Variants in HSDL2 observed in about 807,000 individuals in gnomAD.
The protein encoded by HSDL2 is hydroxysteroid dehydrogenase like 2.
A neutral mutation model predicts 46.3 loss-of-function variants in HSDL2; 27 were observed. The observed-to-expected ratio is 0.58, with a 90% CI of 0.43 to 0.80. The LOEUF is 0.80. Among genes scored for constraint, HSDL2 ranks in the 30% least tolerant of loss-of-function variants. HSDL2 has a pLI of 0.00. For missense variants in HSDL2, 451 were observed against 502.7 expected, an observed-to-expected ratio of 0.90 and a Z score of 0.98; for synonymous variants, 153 against 163.6, an observed-to-expected ratio of 0.94 and a Z score of 0.50.
At chr9:112,384,235 CTG>C (rs769002016) in intron 1 of HSDL2, among the ~76,000 whole-genome samples, 4 of 152,174 alleles carry the variant, frequency 2.6e-5, no homozygotes, top group African/African-American at 4.8e-5. Flanking sequence ...GTAAATTAAA[CTG>C]TAAGTTAGCT....
At chr9:112,409,479 C>A (rs1453643914) in intron 4 of HSDL2, among the ~76,000 whole-genome samples, 2 of 152,152 alleles carry the variant, frequency 1.3e-5, no homozygotes, top group Non-Finnish European at 2.9e-5. Context: ...GCATGAGCCA[C>A]CATGCCCAGC....
intron 10 of HSDL2, 63 bp downstream of exon 10, chr9:112,459,640 CT>C: frequency 7.2e-7 from 1 of 1,389,080 alleles, no homozygotes; most frequent in Admixed American, 1.7e-5. Context: ...TGACATTTTG[CT>C]TTATCCCTTC....
chr9:112,461,070 C>G (rs1332570890), intron 10 of HSDL2, among the ~76,000 whole-genome samples: 2 of 151,842 alleles, frequency 1.3e-5, no homozygotes, highest in Non-Finnish European at 2.9e-5. Flanking sequence ...CATTGGTTAT[C>G]CCTTTAATGA....
chr9:112,448,838 G>C (rs1300828214), intron 8 of HSDL2, among the ~76,000 whole-genome samples: 1 of 152,054 alleles, frequency 6.6e-6, no homozygotes, highest in Non-Finnish European at 1.5e-5. Context: ...TTACAGGCAT[G>C]AGCCACCACA....
chr9:112,409,558 G>T (rs1831812432), intron 4 of HSDL2, among the ~76,000 whole-genome samples: 3 of 152,116 alleles, frequency 2.0e-5, no homozygotes, highest in African/African-American at 4.8e-5. Context: ...ACTAAAGTAG[G>T]CTGAGTGCAG....
At position 112,470,600 on chromosome 9, in the gene HSDL2, C is replaced by A; in HGVS notation, c.*56C>A. On this transcript the variant is annotated 3_prime_UTR_variant, in exon 11 of 11. Transcript: ENST00000398805. Reference sequence around the variant, plus strand: ...TGCTCAAAAAGTAAAAAAAGCTCAACAGTTAAAATCTAATGTTTGTTTTCT... The same window carrying A: ...TGCTCAAAAAGTAAAAAAAGCTCAAAAGTTAAAATCTAATGTTTGTTTTCT... 1 of 885,406 alleles carries A rather than the reference C, an allele frequency of 1.1e-6. No individual in the cohort carries two copies. Among genetic ancestry groups the A allele is most frequent in the Non-Finnish European group, 1.8e-6 (1 of 563,618 alleles). The allele number at this position is 885,406 out of a possible 1,614,324, so 54.8% of individuals were successfully genotyped here.
At chr9:112,408,261 A>T (rs1390400769) in intron 3 of HSDL2, among the ~76,000 whole-genome samples, 1 of 152,090 alleles carries the variant, frequency 6.6e-6, no homozygotes, top group Non-Finnish European at 1.5e-5. Flanking sequence ...TCCAAGGTTT[A>T]TGGAGACAGG....
chr9:112,427,797 C>T (rs907844905), intron 6 of HSDL2, among the ~76,000 whole-genome samples: 2 of 152,196 alleles, frequency 1.3e-5, no homozygotes, highest in East Asian at 1.9e-4. Flanking sequence ...TATTCCCATT[C>T]TTCTTTCTTC....
intron 1 of HSDL2, among the ~76,000 whole-genome samples, chr9:112,390,151 CAAG>C (rs1831309992): frequency 6.6e-6 from 1 of 151,110 alleles, no homozygotes; most frequent in African/African-American, 2.4e-5. Context: ...CAAATATAGA[CAAG>C]AAACTCTTGA....
chr9:112,463,347 ATCC>A (rs1284912631), intron 10 of HSDL2, among the ~76,000 whole-genome samples: 1 of 151,626 alleles, frequency 6.6e-6, no homozygotes, highest in Admixed American at 6.6e-5. Context: ...GGCTAAAGCA[ATCC>A]TCCTACCTCA....
At chr9:112,445,382 T>C (rs575892519) in intron 8 of HSDL2, among the ~76,000 whole-genome samples, 1 of 152,314 alleles carries the variant, frequency 6.6e-6, no homozygotes, top group South Asian at 2.1e-4. Context: ...AGATGTTCTA[T>C]AGCTTAGTTT....
chr9:112,382,931 A>T (rs916984001), intron 1 of HSDL2, among the ~76,000 whole-genome samples: 1 of 144,690 alleles, frequency 6.9e-6, no homozygotes, highest in Admixed American at 7.0e-5. Context: ...TTTTTGAGTT[A>T]AACCAAGATC....
At chr9:112,434,816 G>C (rs1013498907) in intron 6 of HSDL2, among the ~76,000 whole-genome samples, 2 of 152,134 alleles carry the variant, frequency 1.3e-5, no homozygotes, top group African/African-American at 4.8e-5. Flanking sequence ...TAAGACTGTT[G>C]GTACTGTCTG....
At chr9:112,461,870 AAAT>A (rs1378645702) in intron 10 of HSDL2, among the ~76,000 whole-genome samples, 4 of 152,236 alleles carry the variant, frequency 2.6e-5, no homozygotes, top group African/African-American at 9.6e-5. Context: ...CATACAGTTG[AAAT>A]AATAGGCTTT....
chr9:112,463,775 C>A (rs144788588), intron 10 of HSDL2, among the ~76,000 whole-genome samples: 1 of 152,076 alleles, frequency 6.6e-6, no homozygotes, highest in East Asian at 1.9e-4. Context: ...ATTCTCATGT[C>A]TCAGCCTCCC....
intron 10 of HSDL2, among the ~76,000 whole-genome samples, chr9:112,466,854 A>C (rs985028462): frequency 3.9e-5 from 6 of 152,144 alleles, no homozygotes; most frequent in Admixed American, 3.3e-4. Context: ...ATTTTTGTAG[A>C]TGGTAGGAGA....
At chr9:112,423,572 G>C (rs1173304629) in intron 6 of HSDL2, among the ~76,000 whole-genome samples, 2 of 151,990 alleles carry the variant, frequency 1.3e-5, no homozygotes, top group African/African-American at 4.8e-5. Flanking sequence ...GCCTCCCAAA[G>C]TGCTGGGATT....
In HSDL2 at chr9:112,441,694, T is replaced by A. The variant is rs1832641673; in HGVS notation, c.794-5T>A. The A allele has an allele frequency of 6.2e-7, 1 of 1,609,636 alleles. No homozygotes were observed. The highest frequency in any genetic ancestry group is 1.3e-5 in the African/African-American group (1 of 74,808). On this transcript the variant is annotated splice_polypyrimidine_tract_variant and splice_region_variant and intron_variant, in intron 7 of 10. Coordinates refer to ENST00000398805, the MANE Select transcript of HSDL2 (RefSeq NM_032303.5). The stretch of plus-strand genomic sequence containing the variant: ...TAACCTAATGGTTTGGGGTCAATTT[T>A]TCAGGTCATCCTTTGCAACCAGATT...
At position 112,442,011 on chromosome 9, in the gene HSDL2, C is replaced by T. The variant is rs146954476; in HGVS notation, c.865+241C>T. On this transcript the variant is annotated intron_variant, in intron 8 of 10. Transcript: ENST00000398805. ...GCACAGTGGCTCATACCTGTAATCC[C>T]AGCACTTTGGGAGGCTGAGGCGAAT... Among the ~76,000 whole-genome samples the T allele has an allele frequency of 2.2e-4, 34 of 152,050 alleles. 1 individual carries two copies. In the East Asian group the frequency reaches 6.6e-3, roughly 29 times the overall value.
Sources: gnomAD v4.1 joint callset for allele counts (sites outside exome capture counted in the v4.1 genomes callset) on GRCh38, gnomAD v4.1.1 for gene constraint, MANE v1.5 for transcripts, NCBI Gene and HGNC (gene_info 2026-07-23, HGNC 2026-07-21) for gene names.